The following ALX1 variants were observed in gnomAD, a reference collection of about 807,000 sequenced individuals.
The protein encoded by ALX1 is ALX homeobox protein 1.
A neutral mutation model predicts 31.7 loss-of-function variants in ALX1; 19 were observed. The ratio of observed to expected loss-of-function variants is 0.60; its 90% CI spans 0.42 to 0.88. The LOEUF is 0.88. Ranked by LOEUF, ALX1 falls within the 40% of genes least tolerant of loss-of-function variation. The pLI, the probability that ALX1 is intolerant of heterozygous loss-of-function variation, is 0.00. For missense variants in ALX1, 415 were observed against 407.8 expected (o/e 1.02, Z -0.15); for synonymous variants, 153 against 148.8 (o/e 1.03, Z -0.20).
intron 1 of ALX1, among the ~76,000 whole-genome samples, chr12:85,282,406 G>A (rs1593046926): frequency 6.6e-6 from 1 of 151,804 alleles, no homozygotes; most frequent in East Asian, 1.9e-4. Context: ...GAGTTACTCC[G>A]TTAGTGACAT....
intron 3 of ALX1, among the ~76,000 whole-genome samples, chr12:85,297,496 C>T (rs1282481984): frequency 1.3e-5 from 2 of 151,482 alleles, no homozygotes; most frequent in Non-Finnish European, 3.0e-5. Context: ...CATTATAGGG[C>T]ACATAAATGG....
At chr12:85,284,436 T>A (rs1220068217) in intron 2 of ALX1, among the ~76,000 whole-genome samples, 1 of 151,982 alleles carries the variant, frequency 6.6e-6, no homozygotes, top group Non-Finnish European at 1.5e-5. Flanking sequence ...ATAGTGCTCA[T>A]TTACAATTTT....
chr12:85,285,697 A>G (rs1896738807), intron 2 of ALX1, among the ~76,000 whole-genome samples: 1 of 152,000 alleles, frequency 6.6e-6, no homozygotes, highest in South Asian at 2.1e-4. Context: ...TGAAAATTTC[A>G]AGTAAACTTC....
intron 1 of ALX1, among the ~76,000 whole-genome samples, chr12:85,281,567 A>G (rs1896673731): frequency 6.6e-6 from 1 of 152,208 alleles, no homozygotes; most frequent in South Asian, 2.1e-4. Flanking sequence ...CATTTTCTAA[A>G]TATTTTGAAC....
At chr12:85,299,809 A>G (rs143779836) in intron 3 of ALX1, among the ~76,000 whole-genome samples, 173 of 151,996 alleles carry the variant, frequency 1.1e-3, no homozygotes, top group Non-Finnish European at 2.0e-3. Flanking sequence ...TGGGTATTGT[A>G]AGACTACACC....
At chr12:85,288,482 T>C (rs1303855372) in intron 3 of ALX1, among the ~76,000 whole-genome samples, 1 of 151,462 alleles carries the variant, frequency 6.6e-6, no homozygotes, top group Non-Finnish European at 1.5e-5. Flanking sequence ...GTTGAGTCAG[T>C]GTGAGTTAGT....
At chr12:85,301,075 T>C (rs1368141313) in intron 3 of ALX1, 80 bp from the exon 4 acceptor site, 1 of 1,524,358 alleles carries the variant, frequency 6.6e-7, no homozygotes, top group African/African-American at 1.4e-5. Flanking sequence ...TAACCAAATT[T>C]AGTAAATACA....
intron 3 of ALX1, among the ~76,000 whole-genome samples, chr12:85,289,703 T>G (rs891904289): frequency 1.3e-5 from 2 of 151,190 alleles, no homozygotes; most frequent in African/African-American, 2.4e-5. Flanking sequence ...TACCAAAATT[T>G]CCGAAATTAT....
chr12:85,300,599 T>C (rs994118778), intron 3 of ALX1, among the ~76,000 whole-genome samples: 10 of 152,188 alleles, frequency 6.6e-5, no homozygotes, highest in African/African-American at 1.9e-4. Flanking sequence ...CAGAGCTGTT[T>C]CTTCAAGACT....
chr12:85,292,130 C>T lies in ALX1; in HGVS notation c.660+5149C>T, dbSNP rs971286672. On this transcript the variant is annotated intron_variant, in intron 3 of 3. Transcript: ENST00000316824. ...TCATTATTAATTTTGTTCTAAAGTA[C>T]CTGCCTCTCCAGGTAGCTAAATTGC... 4.0e-5 allele frequency among the ~76,000 whole-genome samples: 6 copies of T among 150,962 alleles called. No homozygotes were observed. In the South Asian group the frequency reaches 1.2e-3, roughly 31 times the overall value.
At position 85,280,479 on chromosome 12, in the gene ALX1, A is replaced by G. The variant is rs1896654597; in HGVS notation, c.218A>G (p.Asp73Gly). ...VRLERTSPCQ[D>G]SSVNYGITKV... ...TTGGAGAGGACCTCGCCCTGTCAGG[A>G]CAGCAGCGGTGAGTCGCTAGCGCCC... The change falls in exon 1 of 4, where the codon GAC becomes GGC. Residue 73 changes from aspartate (D) to glycine (G), a missense_variant. Transcript: ENST00000316824. 1 of 1,610,834 alleles carries G rather than the reference A, an allele frequency of 6.2e-7. No individual in the cohort carries two copies. The highest frequency in any genetic ancestry group is 8.5e-7 in the Non-Finnish European group (1 of 1,179,916).
intron 3 of ALX1, among the ~76,000 whole-genome samples, chr12:85,297,048 T>C (rs1408113517): frequency 6.6e-6 from 1 of 151,732 alleles, no homozygotes; most frequent in Non-Finnish European, 1.5e-5. Flanking sequence ...CATGGATTTA[T>C]ACTTTCCAGG....
intron 3 of ALX1, among the ~76,000 whole-genome samples, chr12:85,291,999 C>T (rs1382314595): frequency 6.6e-6 from 1 of 151,096 alleles, no homozygotes; most frequent in Non-Finnish European, 1.5e-5. Context: ...AAAGCTCATA[C>T]GATGCTTGTG....
chr12:85,300,089 C>T (rs569150894), intron 3 of ALX1, among the ~76,000 whole-genome samples: 1 of 152,080 alleles, frequency 6.6e-6, no homozygotes, highest in African/African-American at 2.4e-5. Flanking sequence ...TCCCCAGCTC[C>T]TGCCATTTGT....
At position 85,297,913 on chromosome 12, in the gene ALX1, A is replaced by G. The variant is rs901678920; in HGVS notation, c.661-3242A>G. On this transcript the variant is annotated intron_variant, in intron 3 of 3. Coordinates refer to ENST00000316824, the MANE Select transcript of ALX1 (RefSeq NM_006982.3). ...GATTTGGGAGTTCATATTATGAAAC[A>G]AAAATTTTGATATATTAACATAAAT... 2.0e-5 allele frequency among the ~76,000 whole-genome samples: 3 copies of G among 151,730 alleles called. No individual in the cohort carries two copies. In the Admixed American group the frequency reaches 2.0e-4, roughly 10 times the overall value.
intron 3 of ALX1, among the ~76,000 whole-genome samples, chr12:85,299,949 A>G (rs919235178): frequency 6.6e-6 from 1 of 151,988 alleles, no homozygotes; most frequent in Non-Finnish European, 1.5e-5. Context: ...TGTGATTAAC[A>G]TGTGTATTGC....
intron 1 of ALX1, among the ~76,000 whole-genome samples, chr12:85,280,947 CAAAAACA>C (rs1022047781): frequency 2.0e-5 from 3 of 151,674 alleles, no homozygotes; most frequent in Admixed American, 6.6e-5. Context: ...AACCGGAAAA[CAAAAACA>C]AAAAACAAAA....
At chr12:85,293,051 C>T (rs532890714) in intron 3 of ALX1, among the ~76,000 whole-genome samples, 1 of 150,710 alleles carries the variant, frequency 6.6e-6, no homozygotes, top group South Asian at 2.1e-4. Context: ...TCTTGTATGA[C>T]TTATGACCAA....
intron 3 of ALX1, among the ~76,000 whole-genome samples, chr12:85,292,593 A>T (rs530264079): frequency 5.7e-4 from 86 of 151,302 alleles, no homozygotes; most frequent in Non-Finnish European, 1.0e-3. Context: ...AATTTAATAC[A>T]TAGATTAAAG....
Sources: gnomAD v4.1 joint callset for allele counts (sites outside exome capture counted in the v4.1 genomes callset) on GRCh38, gnomAD v4.1.1 for gene constraint, MANE v1.5 for transcripts, NCBI Gene and HGNC (gene_info 2026-07-23, HGNC 2026-07-21) for gene names.